The following DYNC1LI2 variants were observed in gnomAD, a reference collection of about 807,000 sequenced individuals.
The protein encoded by DYNC1LI2 is cytoplasmic dynein 1 light intermediate chain 2.
In DYNC1LI2, 19 loss-of-function variants were observed where a neutral mutation model predicts 57.8. The ratio of observed to expected loss-of-function variants is 0.33; its 90% confidence interval spans 0.23 to 0.48. The LOEUF is 0.48. DYNC1LI2 is among the 20% of genes least tolerant of loss of function. DYNC1LI2 has a pLI of 0.99. For synonymous variants in DYNC1LI2, 256 were observed against 233.4 expected (o/e 1.10, Z -0.88); for missense variants, 470 against 604.2 (o/e 0.78, Z 2.33).
intron 3 of DYNC1LI2, among the ~76,000 whole-genome samples, chr16:66,748,710 G>A (rs1485125033): frequency 2.0e-5 from 3 of 152,092 alleles, no homozygotes; most frequent in Non-Finnish European, 4.4e-5. Context: ...ATTATGACAG[G>A]AGTCACCAAA....
intron 3 of DYNC1LI2, among the ~76,000 whole-genome samples, chr16:66,746,853 C>T (rs943116668): frequency 1.3e-5 from 2 of 152,198 alleles, no homozygotes; most frequent in Non-Finnish European, 2.9e-5. Flanking sequence ...CAAAGCCACA[C>T]AACTACTGAC....
intron 4 of DYNC1LI2, among the ~76,000 whole-genome samples, chr16:66,739,932 T>G (rs773010483): frequency 3.3e-5 from 5 of 152,202 alleles, no homozygotes; most frequent in African/African-American, 4.8e-5. Flanking sequence ...ACTTGGGGCT[T>G]CCCTTTGGAA....
At chr16:66,737,388 G>A (rs970591776) in intron 4 of DYNC1LI2, among the ~76,000 whole-genome samples, 2 of 151,602 alleles carry the variant, frequency 1.3e-5, no homozygotes, top group Non-Finnish European at 2.9e-5. Context: ...GCTGGGTGTG[G>A]CAGCACGTGC....
At chr16:66,741,460 T>C (rs1345197265) in intron 4 of DYNC1LI2, among the ~76,000 whole-genome samples, 1 of 152,212 alleles carries the variant, frequency 6.6e-6, no homozygotes, top group Non-Finnish European at 1.5e-5. Context: ...CTCATTGTTT[T>C]AGACAACGTG....
At position 66,730,195 on chromosome 16, in the gene DYNC1LI2, T is replaced by C. The variant is rs1480405486; in HGVS notation, c.958A>G (p.Ile320Val). ...IPAGWDNEKK[I>V]AILHENFTTV... ...GTAAAATTTTCATGTAAAATAGCTA[T>C]TTTCTTTTCATTGTCCCAGCCTGCA... The change falls in exon 8 of 13, where the codon ATA (isoleucine) becomes GTA (valine). Residue 320 changes from isoleucine (I) to valine (V), a missense_variant. Coordinates refer to ENST00000258198, the MANE Select transcript of DYNC1LI2 (RefSeq NM_006141.3). 1.9e-6 allele frequency: 3 copies of C among 1,613,998 alleles called. No homozygotes were observed. The highest frequency in any genetic ancestry group is 1.7e-6 in the Non-Finnish European group (2 of 1,180,006).
chr16:66,738,605 G>A (rs935639213), intron 4 of DYNC1LI2, among the ~76,000 whole-genome samples: 1 of 151,838 alleles, frequency 6.6e-6, no homozygotes, highest in Non-Finnish European at 1.5e-5. Context: ...GGCTAAACGC[G>A]ATGGCTTATG....
rs1186679711 is a variant in DYNC1LI2 at position 66,751,170 on chromosome 16, C to A, written c.181+103G>T. On this transcript the variant is annotated intron_variant, in intron 2 of 12. Coordinates refer to ENST00000258198, the MANE Select transcript of DYNC1LI2 (RefSeq NM_006141.3). The surrounding 1 kb of genome is among the most constrained non-coding windows in gnomAD (Gnocchi z 5.2). ...GGCCGACGGTCCCTTTCCCGCCAGGCTGCGGGCAGGCGGCTGGAACGGGGA... is the reference window on the plus strand; with the variant it reads ...GGCCGACGGTCCCTTTCCCGCCAGGATGCGGGCAGGCGGCTGGAACGGGGA... 28 of 1,339,234 alleles carry A rather than the reference C, an allele frequency of 2.1e-5. No individual in the cohort carries two copies. Among genetic ancestry groups the A allele is most frequent in the Non-Finnish European group, 2.8e-5 (28 of 988,760 alleles). The allele number at this position is 1,339,234 out of a possible 1,614,324, so 83.0% of individuals were successfully genotyped here. A position where few individuals can be genotyped will look rare whatever the true frequency, so the allele number is the denominator to read the frequency against.
At chr16:66,739,531 T>C (rs2017799703) in intron 4 of DYNC1LI2, among the ~76,000 whole-genome samples, 1 of 152,216 alleles carries the variant, frequency 6.6e-6, no homozygotes, top group African/African-American at 2.4e-5. Context: ...AGCCTCGACC[T>C]GCTGGGCTCA....
intron 5 of DYNC1LI2, among the ~76,000 whole-genome samples, chr16:66,735,100 GTTTTT>G (rs71145936): frequency 1.5e-5 from 2 of 134,856 alleles, no homozygotes; most frequent in South Asian, 2.3e-4. Flanking sequence ...AACTTTGTTT[GTTTTT>G]TTTTTCTTTT....
Position 66,723,615 on chromosome 16 carries a change from CT to C in DYNC1LI2, c.*106del. On this transcript the variant is annotated 3_prime_UTR_variant, in exon 13 of 13. Transcript: ENST00000258198. Reference sequence around the variant, plus strand: ...TTTTTTTTTTTAAAGTTCATCTCCCCTGCCCCAAAAAACTGATAGCATGTGC... The same window carrying C: ...TTTTTTTTTTTAAAGTTCATCTCCCCGCCCCAAAAAACTGATAGCATGTGC... 2.1e-6 allele frequency: 2 copies of C among 954,034 alleles called. No homozygotes were observed. The highest frequency in any genetic ancestry group is 3.1e-6 in the Non-Finnish European group (2 of 639,162). 59.1% of individuals were successfully genotyped at this position (954,034 alleles called of 1,614,324 possible). A position where few individuals can be genotyped will look rare whatever the true frequency, so the allele number is the denominator to read the frequency against.
chr16:66,723,339 T>G lies in DYNC1LI2; in HGVS notation c.*383A>C, dbSNP rs1194433503. 2 of 460,712 alleles carry G rather than the reference T, an allele frequency of 4.3e-6. No homozygotes were observed. The highest frequency in any genetic ancestry group is 8.7e-6 in the Non-Finnish European group (2 of 229,666). 28.5% of individuals were successfully genotyped at this position (460,712 alleles called of 1,614,324 possible). ...AATCTGCTTCCCAAGAACAAGTGAA[T>G]TTACTAACATGAAACTGGTCAGACT... On this transcript the variant is annotated 3_prime_UTR_variant, in exon 13 of 13. Coordinates refer to ENST00000258198, the MANE Select transcript of DYNC1LI2 (RefSeq NM_006141.3).
intron 2 of DYNC1LI2, among the ~76,000 whole-genome samples, chr16:66,749,592 T>A (rs1326385945): frequency 2.0e-5 from 3 of 152,162 alleles, no homozygotes; most frequent in African/African-American, 7.2e-5. Context: ...ACAGGCCCTA[T>A]CTATAATTTA....
chr16:66,731,091 T>TCTGGCA (rs2017627611), intron 7 of DYNC1LI2: 1 of 152,074 alleles, frequency 6.6e-6, no homozygotes, highest in African/African-American at 2.4e-5. Context: ...ACCAGAGAGG[T>TCTGGCA]AACTACCAAC....
chr16:66,728,953 C>A, intron 9 of DYNC1LI2, 87 bp downstream of exon 9: 1 of 1,385,186 alleles, frequency 7.2e-7, no homozygotes, highest in South Asian at 1.2e-5. Context: ...TTGTGACTTC[C>A]CACATGCAGA....
chr16:66,745,358 A>G (rs575835096), intron 3 of DYNC1LI2, among the ~76,000 whole-genome samples: 37 of 152,144 alleles, frequency 2.4e-4, no homozygotes, highest in African/African-American at 8.2e-4. Flanking sequence ...AGCTCACTGC[A>G]GCCCACGCCT....
Position 66,723,217 on chromosome 16 carries a change from TCTC to T in DYNC1LI2, c.*502_*504del, listed in dbSNP as rs1429996200. On this transcript the variant is annotated 3_prime_UTR_variant, in exon 13 of 13. Coordinates refer to ENST00000258198, the MANE Select transcript of DYNC1LI2 (RefSeq NM_006141.3). Reference sequence around the variant, plus strand: ...GCACAGTATTTACTGACACTGCTCATCTCCTCCTTCCTCCACCTCCCTCAACAT... The same window carrying T: ...GCACAGTATTTACTGACACTGCTCATCTCCTTCCTCCACCTCCCTCAACAT... 1 of 408,912 alleles carries T rather than the reference TCTC, an allele frequency of 2.4e-6. No homozygotes were observed. The highest frequency in any genetic ancestry group is 2.0e-5 in the African/African-American group (1 of 48,892). 25.3% of individuals were successfully genotyped at this position (408,912 alleles called of 1,614,324 possible).
At position 66,736,258 on chromosome 16, in the gene DYNC1LI2, A is replaced by G; in HGVS notation, c.530-14T>C. 1 of 1,608,218 alleles carries G rather than the reference A, an allele frequency of 6.2e-7. No homozygotes were observed. Among genetic ancestry groups the G allele is most frequent in the Admixed American group, 1.7e-5 (1 of 59,202 alleles). On this transcript the variant is annotated splice_polypyrimidine_tract_variant and intron_variant, in intron 4 of 12. Transcript: ENST00000258198. ...AATCTTTCACAACTGGGGGAAAAAG[A>G]GGAAAAAAAATCACATGCACATAAA...
rs115384227 is a variant in DYNC1LI2 at position 66,737,940 on chromosome 16, C to A, written c.530-1696G>T. On this transcript the variant is annotated intron_variant, in intron 4 of 12. Transcript: ENST00000258198. ...CAGAGAAGAAAACAGGCAGCTCTAC[C>A]CTTCTAAGTCCAGTAAGACTGAAGG... is the stretch of plus-strand genomic sequence containing the variant. 1.5e-3 allele frequency among the ~76,000 whole-genome samples: 227 copies of A among 152,260 alleles called. 1 individual carries two copies. Among genetic ancestry groups the A allele is most frequent in the African/African-American group, 5.0e-3 (209 of 41,548 alleles).
intron 11 of DYNC1LI2, among the ~76,000 whole-genome samples, chr16:66,726,924 T>A (rs77209077): frequency 6.9e-6 from 1 of 145,604 alleles, no homozygotes; most frequent in Non-Finnish European, 1.5e-5. Flanking sequence ...ACGCCAGGCC[T>A]TTTTTTTTTT....
Sources: allele counts gnomAD v4.1 joint callset (sites outside exome capture counted in the v4.1 genomes callset), GRCh38; gene constraint gnomAD v4.1.1; non-coding constraint Gnocchi (gnomAD v3.1); transcripts MANE v1.5; gene names NCBI Gene and HGNC (gene_info 2026-07-23, HGNC 2026-07-21).